Variants in LETM2 observed in about 807,000 individuals in gnomAD.
The protein encoded by LETM2 is LETM1 domain-containing protein LETM2, mitochondrial.
A neutral mutation model predicts 59.6 loss-of-function variants in LETM2; 58 were observed. The ratio of observed to expected loss-of-function variants is 0.97; its 90% CI spans 0.79 to 1.21. The LOEUF (loss-of-function observed/expected upper bound fraction) is 1.21, where lower values mean the gene tolerates loss of function less well. Ranked by LOEUF, LETM2 falls within the 50% of genes most tolerant of loss-of-function variation. The pLI is 0.00. For missense variants in LETM2, 572 were observed against 575.7 expected, an observed-to-expected ratio of 0.99 and a Z score of 0.07; for synonymous variants, 199 against 214.1, an observed-to-expected ratio of 0.93 and a Z score of 0.62.
chr8:38,400,020 GAAC>G lies in LETM2; in HGVS notation c.646-250_646-248del, dbSNP rs530554650. Among the ~76,000 whole-genome samples, 14 of 152,292 alleles carry G rather than the reference GAAC, an allele frequency of 9.2e-5. No homozygotes were observed. The South Asian group carries it at 2.9e-3, about 32-fold the overall frequency. On this transcript the variant is annotated intron_variant, in intron 4 of 10. Coordinates refer to ENST00000379957, the MANE Select transcript of LETM2 (RefSeq NM_001286819.2). ...ATAATTATAAAGCCTCCCATTGGGG[GAAC>G]ATTTTGGATCTATCAAATGCTTATG...
intron 5 of LETM2, 66 bp downstream of exon 5, chr8:38,400,475 T>C (rs1813103213): frequency 6.9e-7 from 1 of 1,451,296 alleles, no homozygotes; most frequent in South Asian, 1.4e-5. Context: ...ACGCATGTCA[T>C]CATGGATTTC....
At position 38,400,894 on chromosome 8, in the gene LETM2, C is replaced by T. The variant is rs751599411; in HGVS notation, c.825C>T (p.Arg275=). 2.5e-6 allele frequency: 4 copies of T among 1,614,206 alleles called. No homozygotes were observed. The South Asian group carries it at 4.4e-5, about 18-fold the overall frequency. Residue 275 remains arginine, a synonymous_variant, in exon 6 of 11, where the codon CGC becomes CGT. Transcript: ENST00000379957. ...AGCCCAGCACAAAGGAGATAGTTCG[C>T]TTCTCCAAACTATTTGAGGACCAGC... is the stretch of plus-strand genomic sequence containing the variant. ...GHKPSTKEIV[R]FSKLFEDQLA...
intron 4 of LETM2, 102 bp from the exon 5 acceptor site, chr8:38,400,170 T>G (rs1813069168): frequency 2.3e-6 from 2 of 866,144 alleles, no homozygotes; most frequent in African/African-American, 3.4e-5. Context: ...TTACATGATG[T>G]AGGGATGAGC....
At chr8:38,388,509 G>A (rs574740632) in intron 2 of LETM2, among the ~76,000 whole-genome samples, 7 of 149,954 alleles carry the variant, frequency 4.7e-5, no homozygotes, top group African/African-American at 1.5e-4. Flanking sequence ...ATTGCCTGAG[G>A]TCAGGAGTTC....
rs752273491 is a variant in LETM2 at position 38,395,969 on chromosome 8, C to T, written c.645+1728C>T. On this transcript the variant is annotated intron_variant, in intron 4 of 10. Transcript: ENST00000379957. ...CTTTTCATTCCTTAACCATGTCTTTCACAGAGCAAATGCTTTCAGGATTAA... is the reference window on the plus strand; with the variant it reads ...CTTTTCATTCCTTAACCATGTCTTTTACAGAGCAAATGCTTTCAGGATTAA... 4.9e-4 allele frequency among the ~76,000 whole-genome samples: 75 copies of T among 152,248 alleles called. 1 individual carries two copies. Among genetic ancestry groups the T allele is most frequent in the Non-Finnish European group, 9.1e-4 (62 of 68,020 alleles).
rs149486619 is a variant in LETM2, at chr8:38,396,203, G to A, written c.645+1962G>A. On this transcript the variant is annotated intron_variant, in intron 4 of 10. Coordinates refer to ENST00000379957, the MANE Select transcript of LETM2 (RefSeq NM_001286819.2). ...TTTTGAGATGGAGCCTCGCTCTGTC[G>A]CCCAGGCTGGAGTGCAATGGTGCGA... Among the ~76,000 whole-genome samples, 817 of 148,968 alleles carry A rather than the reference G, an allele frequency of 5.5e-3. 11 individuals carry two copies. Among genetic ancestry groups the A allele is most frequent in the African/African-American group, 0.017 (686 of 40,382 alleles).
chr8:38,407,810 T>A (rs1481150887), intron 10 of LETM2, among the ~76,000 whole-genome samples: 1 of 152,222 alleles, frequency 6.6e-6, no homozygotes, highest in Non-Finnish European at 1.5e-5. Flanking sequence ...GCAACTTTAA[T>A]TTCCAGAGAA....
intron 3 of LETM2, 100 bp downstream of exon 3, chr8:38,393,095 C>G: frequency 9.4e-7 from 1 of 1,062,334 alleles, no homozygotes; most frequent in African/African-American, 1.6e-5. Context: ...CTTAAAAATC[C>G]CAGAGTAGGA....
In LETM2 at chr8:38,407,436, A is replaced by G. The variant is rs1813820505; in HGVS notation, c.1386A>G (p.Lys462=). Residue 462 remains lysine (K), a synonymous_variant, in exon 10 of 11, where the codon AAA becomes AAG. Coordinates refer to ENST00000379957, the MANE Select transcript of LETM2 (RefSeq NM_001286819.2). ...ITPSTPISLP[K]GPITSSEEPT... ...CATCAACACCTATTTCATTACCTAAAGGACCCATCACTTCTTCTGAAGAAC... is the reference window on the plus strand; with the variant it reads ...CATCAACACCTATTTCATTACCTAAGGGACCCATCACTTCTTCTGAAGAAC... The G allele has an allele frequency of 1.4e-5, 22 of 1,609,998 alleles. No individual in the cohort carries two copies. The highest frequency in any genetic ancestry group is 1.8e-5 in the Non-Finnish European group (21 of 1,176,476).
chr8:38,386,989 G>A (rs1443325237), intron 1 of LETM2: 1 of 152,294 alleles, frequency 6.6e-6, no homozygotes, highest in Non-Finnish European at 1.5e-5. Flanking sequence ...GAAGCCGCCG[G>A]GCGAGGAAGC....
Position 38,408,294 on chromosome 8 carries a change from G to A in LETM2, c.*20G>A, listed in dbSNP as rs1563403036. 1.0e-5 allele frequency: 16 copies of A among 1,605,530 alleles called. No homozygotes were observed. The highest frequency in any genetic ancestry group is 3.4e-6 in the Non-Finnish European group (4 of 1,173,836). On this transcript the variant is annotated 3_prime_UTR_variant, in exon 11 of 11. Coordinates refer to ENST00000379957, the MANE Select transcript of LETM2 (RefSeq NM_001286819.2). ...GCATAAAGGACTACTTGAGGATGGAGCTCACTCTCTTCAGCTTCCGGCCCT... is the reference window on the plus strand; with the variant it reads ...GCATAAAGGACTACTTGAGGATGGAACTCACTCTCTTCAGCTTCCGGCCCT...
upstream of LETM2, chr8:38,383,195 G>A (rs1391413592): frequency 6.6e-6 from 1 of 152,322 alleles, no homozygotes; most frequent in Non-Finnish European, 1.5e-5. Context: ...AGAACGAGAG[G>A]AAGAACCGGG....
At chr8:38,385,427 C>G (rs1187175010), upstream of LETM2, among the ~76,000 whole-genome samples, 1 of 152,126 alleles carries the variant, frequency 6.6e-6, no homozygotes, top group Non-Finnish European at 1.5e-5. Context: ...GAATCTCGCT[C>G]TTGTCGCCCA....
intron 4 of LETM2, among the ~76,000 whole-genome samples, chr8:38,398,030 C>T (rs1416749513): frequency 6.6e-6 from 1 of 151,638 alleles, no homozygotes; most frequent in Admixed American, 6.6e-5. Flanking sequence ...GTCCCAGCTA[C>T]TTCAGAGGCT....
rs1813977244 is a variant in LETM2, at chr8:38,409,048, T to TAAATAAGTCATAGTTTCACAAATA, written c.*775_*776insAATAAGTCATAGTTTCACAAATAA. The TAAATAAGTCATAGTTTCACAAATA allele has an allele frequency of 6.6e-6, 1 of 152,250 alleles. No individual in the cohort carries two copies. 9.4% of individuals were successfully genotyped at this position (152,250 alleles called of 1,614,324 possible). On this transcript the variant is annotated 3_prime_UTR_variant, in exon 11 of 11. Transcript: ENST00000379957. ...GTTTGTCTTTCACAAATAAGACTAT[T>TAAATAAGTCATAGTTTCACAAATA]AGTCATAGGGATTGTGAAAGTCTGA...
intron 4 of LETM2, chr8:38,396,956 G>A (rs1002149602): frequency 5.7e-6 from 2 of 351,918 alleles, no homozygotes; most frequent in South Asian, 2.1e-5. Context: ...CACTGTTACC[G>A]CGGTGACTAG....
upstream of LETM2, among the ~76,000 whole-genome samples, chr8:38,384,147 C>A (rs946334497): frequency 1.3e-5 from 2 of 151,618 alleles, no homozygotes; most frequent in South Asian, 4.2e-4. Flanking sequence ...TTCTATGAGC[C>A]TTTCTACCTC....
chr8:38,407,079 A>G (rs1463058709), intron 9 of LETM2, 41 bp downstream of exon 9: 3 of 1,277,858 alleles, frequency 2.3e-6, no homozygotes, highest in African/African-American at 1.5e-5. Flanking sequence ...AGATTAAAAA[A>G]TGAAAATAGC....
upstream of LETM2, among the ~76,000 whole-genome samples, chr8:38,384,785 G>C (rs1811703448): frequency 6.6e-6 from 1 of 152,168 alleles, no homozygotes; most frequent in Non-Finnish European, 1.5e-5. Context: ...CAAATACTGG[G>C]CATGGAATCG....
Sources: gnomAD v4.1 joint callset for allele counts (sites outside exome capture counted in the v4.1 genomes callset) on GRCh38, gnomAD v4.1.1 for gene constraint, MANE v1.5 for transcripts, NCBI Gene and HGNC (gene_info 2026-07-23, HGNC 2026-07-21) for gene names.